Variants in SORBS3 observed in about 807,000 individuals in gnomAD.
SORBS3 encodes the protein sorbin and SH3 domain containing 3, also known as vinexin.
In SORBS3, 69 loss-of-function variants were observed where a neutral mutation model predicts 98.0. The observed-to-expected ratio is 0.70, with a 90% CI of 0.58 to 0.86. SORBS3 has a LOEUF of 0.86. SORBS3 is among the 40% of genes least tolerant of loss of function. SORBS3 has a pLI of 0.00. For synonymous variants in SORBS3, 394 were observed against 355.4 expected, an observed-to-expected ratio of 1.11 and a Z score of -1.22; for missense variants, 954 against 908.5, an observed-to-expected ratio of 1.05 and a Z score of -0.64.
chr8:22,570,630 G>A (rs1840548769), intron 17 of SORBS3, among the ~76,000 whole-genome samples: 1 of 152,208 alleles, frequency 6.6e-6, no homozygotes, highest in Non-Finnish European at 1.5e-5. Context: ...TGTGATCGGA[G>A]CTCTGGGGAG....
chr8:22,554,445 C>A lies in SORBS3; in HGVS notation c.-55-7C>A. ...AGGGCTTTCCCTTCCTTCCTCCTTC[C>A]CCACAGAGGACACGCAGAGGAGCAG... On this transcript the variant is annotated splice_polypyrimidine_tract_variant and splice_region_variant and intron_variant, in intron 1 of 20. Transcript: ENST00000240123. The surrounding 1 kb of genome is among the most constrained non-coding windows in gnomAD (Gnocchi z 6.5). 6.4e-7 allele frequency: 1 copy of A among 1,573,812 alleles called. No homozygotes were observed.
At position 22,554,863 on chromosome 8, in the gene SORBS3, G is replaced by C; in HGVS notation, c.103G>C (p.Val35Leu). 2.5e-6 allele frequency: 4 copies of C among 1,613,010 alleles called. No individual in the cohort carries two copies. The highest frequency in any genetic ancestry group is 3.4e-6 in the Non-Finnish European group (4 of 1,179,766). ...HIGSSSRGTRVPVIRNGGSNT... is the reference protein window; with the variant it reads ...HIGSSSRGTRLPVIRNGGSNT... ...TGCCGCTCCTGGCCCCTCCCCGCAG[G>C]TGCCCGTGATCCGGAATGGTGGCTC... The change falls in exon 3 of 21, where the codon GTG becomes CTG. Residue 35 changes from valine (V) to leucine (L), a missense_variant and splice_region_variant. Transcript: ENST00000240123. This position sits in a 1 kb window ranked among gnomAD's most constrained non-coding sequence, Gnocchi z 6.5.
intron 1 of SORBS3, among the ~76,000 whole-genome samples, chr8:22,546,056 T>A (rs917006597): frequency 1.3e-5 from 2 of 152,212 alleles, no homozygotes; most frequent in African/African-American, 2.4e-5. Flanking sequence ...TTCTGAATGA[T>A]GGATTATTTG....
chr8:22,560,872 T>TGTGCGCGCGCGCGCGCGCGC (rs1425468447), intron 5 of SORBS3: 2 of 84,334 alleles, frequency 2.4e-5, no homozygotes, highest in African/African-American at 8.6e-5. Flanking sequence ...TGTGTGTGTG[T>TGTGCGCGCGCGCGCGCGCGC]GCGCGCGCGC....
intron 17 of SORBS3, among the ~76,000 whole-genome samples, chr8:22,570,432 T>C (rs1339558498): frequency 6.6e-6 from 1 of 152,202 alleles, no homozygotes; most frequent in African/African-American, 2.4e-5. Context: ...GCAGTAGTGG[T>C]AGCACCTGTC....
intron 1 of SORBS3, among the ~76,000 whole-genome samples, chr8:22,545,721 T>A (rs544601254): frequency 2.0e-5 from 3 of 152,364 alleles, no homozygotes; most frequent in African/African-American, 7.2e-5. Flanking sequence ...GCACACTGCC[T>A]TCCAGTAAGT....
Position 22,554,276 on chromosome 8 carries a change from G to A in SORBS3, c.-55-176G>A. ...GTGCCCCTGGGAGCCGGCAGGCACG[G>A]GCAGCCTGCAGGCGGGTGCCTGGCG... On this transcript the variant is annotated intron_variant, in intron 1 of 20. Transcript: ENST00000240123. The surrounding 1 kb of genome is among the most constrained non-coding windows in gnomAD (Gnocchi z 6.5). 5.5e-6 allele frequency: 3 copies of A among 543,768 alleles called. No individual in the cohort carries two copies. The highest frequency in any genetic ancestry group is 9.1e-6 in the Non-Finnish European group (3 of 327,994). 33.7% of individuals were successfully genotyped at this position (543,768 alleles called of 1,614,324 possible).
At chr8:22,545,760 C>T (rs1165844788) in intron 1 of SORBS3, among the ~76,000 whole-genome samples, 4 of 152,226 alleles carry the variant, frequency 2.6e-5, no homozygotes, top group African/African-American at 4.8e-5. Flanking sequence ...ACTCCCTTGA[C>T]GTAGATGTCT....
rs1351812113 is a variant in SORBS3, at chr8:22,559,439, G to A, written c.478+1247G>A. The stretch of plus-strand genomic sequence containing the variant: ...TCACAGGCCGGGCGCGGTGGCTCAC[G>A]CCTGTAATCCTAGCACTTTGGGAGG... On this transcript the variant is annotated intron_variant, in intron 5 of 20. Coordinates refer to ENST00000240123, the MANE Select transcript of SORBS3 (RefSeq NM_005775.5). Among the ~76,000 whole-genome samples the A allele has an allele frequency of 3.9e-5, 6 of 152,184 alleles. No homozygotes were observed. In the East Asian group the frequency reaches 1.2e-3, roughly 29 times the overall value.
intron 10 of SORBS3, 199 bp downstream of exon 10, chr8:22,564,720 T>A: frequency 5.0e-6 from 7 of 1,409,138 alleles, no homozygotes; most frequent in South Asian, 1.5e-5. Context: ...TAAATAAATA[T>A]GTGTTGGCCA....
chr8:22,551,995 G>T lies in SORBS3; in HGVS notation c.-83G>T. ...TGCTCCTGCGCTCCCGGGCGGCCTC[G>T]GGCCCAGCCACCTGCTCGCCGGGGA... is the stretch of plus-strand genomic sequence containing the variant. On this transcript the variant is annotated 5_prime_UTR_variant, in exon 1 of 21. Coordinates refer to ENST00000240123, the MANE Select transcript of SORBS3 (RefSeq NM_005775.5). The surrounding 1 kb of genome is among the most constrained non-coding windows in gnomAD (Gnocchi z 5.8). 1.0e-6 allele frequency: 1 copy of T among 985,304 alleles called. No homozygotes were observed. The highest frequency in any genetic ancestry group is 1.2e-6 in the Non-Finnish European group (1 of 829,916). 61.0% of individuals were successfully genotyped at this position (985,304 alleles called of 1,614,324 possible). A position where few individuals can be genotyped will look rare whatever the true frequency, so the allele number is the denominator to read the frequency against.
At chr8:22,568,608 G>GTTTCTATCTTTGTGTGAA (rs766148855) in intron 16 of SORBS3, among the ~76,000 whole-genome samples, 9 of 152,258 alleles carry the variant, frequency 5.9e-5, no homozygotes, top group Non-Finnish European at 8.8e-5. Context: ...TCCGCCAGTC[G>GTTTCTATCTTTGTGTGAA]TTTCTATCTT....
chr8:22,560,461 C>T (rs969684480), intron 5 of SORBS3, among the ~76,000 whole-genome samples: 2 of 152,042 alleles, frequency 1.3e-5, no homozygotes, highest in African/African-American at 4.8e-5. Flanking sequence ...AAGGTAGAGC[C>T]AGGGAGGTAG....
chr8:22,565,673 C>T (rs2117263246), intron 11 of SORBS3, 153 bp from the exon 12 acceptor site: 2 of 1,209,604 alleles, frequency 1.7e-6, no homozygotes, highest in Non-Finnish European at 2.1e-6. Flanking sequence ...GTTCCCGCCC[C>T]GCTCCCGGGA....
intron 20 of SORBS3, among the ~76,000 whole-genome samples, chr8:22,573,049 G>A (rs1054856801): frequency 2.0e-5 from 3 of 152,210 alleles, no homozygotes; most frequent in Non-Finnish European, 4.4e-5. Flanking sequence ...AGAGAAGAGA[G>A]TGGCCAGAAG....
chr8:22,569,183 G>A lies in SORBS3; in HGVS notation c.1341G>A (p.Lys447=), dbSNP rs764007877. 8.0e-5 allele frequency: 129 copies of A among 1,611,294 alleles called. 1 individual carries two copies. The South Asian group carries it at 1.4e-3, about 17-fold the overall frequency. Residue 447 remains lysine (K), a synonymous_variant, in exon 17 of 21, where the codon AAG becomes AAA. Transcript: ENST00000240123. ...CAGATGAGATCCCTAAGCCCATCAAGCCCCCGACCTACCAGGTGCTGGAGT... is the reference window on the plus strand; with the variant it reads ...CAGATGAGATCCCTAAGCCCATCAAACCCCCGACCTACCAGGTGCTGGAGT... ...LPADEIPKPI[K]PPTYQVLEYG...
At chr8:22,558,633 T>G (rs894324859) in intron 5 of SORBS3, among the ~76,000 whole-genome samples, 1 of 152,254 alleles carries the variant, frequency 6.6e-6, no homozygotes, top group South Asian at 2.1e-4. Context: ...ATTGAGCATG[T>G]ACCACATGCT....
At chr8:22,556,046 A>C (rs910808793) in intron 3 of SORBS3, among the ~76,000 whole-genome samples, 1 of 152,196 alleles carries the variant, frequency 6.6e-6, no homozygotes, top group African/African-American at 2.4e-5. Flanking sequence ...TCAGCCATAG[A>C]GGCTGAGCTG....
chr8:22,547,537 GATCAGCCCTCTT>G (rs1488791643), upstream of SORBS3, among the ~76,000 whole-genome samples: 1 of 152,214 alleles, frequency 6.6e-6, no homozygotes. Context: ...TGGGCCAACA[GATCAGCCCTCTT>G]ATCCTACCCA....
Sources: allele counts gnomAD v4.1 joint callset (sites outside exome capture counted in the v4.1 genomes callset), GRCh38; gene constraint gnomAD v4.1.1; non-coding constraint Gnocchi (gnomAD v3.1); transcripts MANE v1.5; gene names NCBI Gene and HGNC (gene_info 2026-07-23, HGNC 2026-07-21).